NCKAP5: variants seen among roughly 807,000 people sequenced by gnomAD.
NCKAP5 encodes the protein nck-associated protein 5.
NCKAP5 carries 92 observed loss-of-function variants against 167.0 expected under a neutral mutation model. The observed-to-expected ratio is 0.55, with a 90% CI of 0.47 to 0.66. The LOEUF (loss-of-function observed/expected upper bound fraction) is 0.66, where lower values mean the gene tolerates loss of function less well. Among genes scored for constraint, NCKAP5 ranks in the 30% least tolerant of loss-of-function variants. NCKAP5 has a pLI of 0.00. For missense variants in NCKAP5, 2,378 were observed against 2,315.0 expected (o/e 1.03, Z -0.56); for synonymous variants, 891 against 877.4 (o/e 1.02, Z -0.27).
At chr2:133,307,520 A>AG (rs2150590583) in intron 3 of NCKAP5, among the ~76,000 whole-genome samples, 1 of 152,314 alleles carries the variant, frequency 6.6e-6, no homozygotes, top group Admixed American at 6.5e-5. Context: ...AAGAAAAAAA[A>AG]GGGGGACTTG....
Position 133,565,707 on chromosome 2 carries a change from C to T in NCKAP5, c.-130+2509G>A, listed in dbSNP as rs530625229. ...CCAGGCATCACATCAAGAATATCCC[C>T]GTCTTCATGGTCAGAAGTCTGGCAT... On this transcript the variant is annotated intron_variant, in intron 1 of 19. Coordinates refer to ENST00000409261, the MANE Select transcript of NCKAP5 (RefSeq NM_207363.3). Among the ~76,000 whole-genome samples the T allele has an allele frequency of 3.9e-5, 6 of 152,278 alleles. No homozygotes were observed. In the East Asian group the frequency reaches 5.8e-4, roughly 15 times the overall value.
chr2:132,984,787 T>C (rs1361750258), intron 7 of NCKAP5, among the ~76,000 whole-genome samples: 3 of 151,658 alleles, frequency 2.0e-5, no homozygotes, highest in Non-Finnish European at 1.5e-5. Context: ...CAAAAGACAG[T>C]TTTTTAGCCA....
At position 132,783,457 on chromosome 2, in the gene NCKAP5, G is replaced by A. The variant is rs1683241858; in HGVS notation, c.3354C>T (p.Ser1118=). ...TTTTGGCGGGTGATGAGGATGATGAGGAACTGCTGACCTGAGATGATGGTG... is the reference window on the plus strand; with the variant it reads ...TTTTGGCGGGTGATGAGGATGATGAAGAACTGCTGACCTGAGATGATGGTG... ...NESPSSQVSS[S]SSSSSPAKSH... is the part of the protein sequence containing the mutation. The change falls in exon 14 of 20, where the codon TCC becomes TCT. Residue 1118 remains serine (S), a synonymous_variant. Transcript: ENST00000409261. 2 of 1,588,990 alleles carry A rather than the reference G, an allele frequency of 1.3e-6. No homozygotes were observed. Among genetic ancestry groups the A allele is most frequent in the Non-Finnish European group, 1.7e-6 (2 of 1,167,620 alleles).
At chr2:133,427,642 T>G (rs1176676812) in intron 3 of NCKAP5, among the ~76,000 whole-genome samples, 1 of 152,138 alleles carries the variant, frequency 6.6e-6, no homozygotes, top group African/African-American at 2.4e-5. Flanking sequence ...TTAAATAGAA[T>G]GTTAGCAAAT....
intron 3 of NCKAP5, among the ~76,000 whole-genome samples, chr2:133,398,322 C>A (rs1687884938): frequency 1.3e-5 from 2 of 152,262 alleles, no homozygotes; most frequent in South Asian, 4.1e-4. Context: ...GCATGCAGGG[C>A]TTAAAACCTA....
the NCKAP5 span, among the ~76,000 whole-genome samples, chr2:133,670,502 C>A: frequency 6.6e-6 from 1 of 152,306 alleles, no homozygotes; most frequent in African/African-American, 2.4e-5. Context: ...TTATAAACCA[C>A]AGACTTCGAG....
At chr2:133,501,801 T>C (rs990444669) in intron 3 of NCKAP5, among the ~76,000 whole-genome samples, 1 of 152,216 alleles carries the variant, frequency 6.6e-6, no homozygotes, top group African/African-American at 2.4e-5. Context: ...TGATGGTGAA[T>C]CTCATTCAAG....
chr2:133,019,428 A>G (rs577998474), intron 6 of NCKAP5, among the ~76,000 whole-genome samples: 2 of 152,256 alleles, frequency 1.3e-5, no homozygotes, highest in Admixed American at 1.3e-4. Flanking sequence ...AATGGAAGCA[A>G]ACTTCACCTG....
At chr2:133,663,681 G>C in the NCKAP5 span, among the ~76,000 whole-genome samples, 1 of 152,184 alleles carries the variant, frequency 6.6e-6, no homozygotes, top group Non-Finnish European at 1.5e-5. Flanking sequence ...GTTTTAACAT[G>C]AGATTGCAGC....
chr2:133,049,853 A>G (rs1484334085), intron 6 of NCKAP5, among the ~76,000 whole-genome samples: 1 of 152,178 alleles, frequency 6.6e-6, no homozygotes, highest in African/African-American at 2.4e-5. Flanking sequence ...ACTGAACATC[A>G]ACCATGCCTA....
chr2:132,956,666 C>T (rs1318779302), intron 8 of NCKAP5, among the ~76,000 whole-genome samples: 4 of 152,252 alleles, frequency 2.6e-5, no homozygotes, highest in South Asian at 4.2e-4. Flanking sequence ...CCATGTCTGA[C>T]CCACTTCAGG....
chr2:133,289,714 C>T (rs916212636), intron 4 of NCKAP5, among the ~76,000 whole-genome samples: 1 of 144,392 alleles, frequency 6.9e-6, no homozygotes, highest in African/African-American at 2.5e-5. Flanking sequence ...AACAAACAAA[C>T]AAACAAACAA....
intron 16 of NCKAP5, among the ~76,000 whole-genome samples, chr2:132,758,781 G>A (rs987150771): frequency 2.6e-5 from 4 of 152,142 alleles, no homozygotes; most frequent in African/African-American, 9.7e-5. Flanking sequence ...ACCAAAGGCA[G>A]GCTGATGTGG....
At chr2:133,391,920 C>G (rs1442351657) in intron 3 of NCKAP5, among the ~76,000 whole-genome samples, 3 of 152,168 alleles carry the variant, frequency 2.0e-5, no homozygotes, top group Non-Finnish European at 4.4e-5. Context: ...AATTGGGAGA[C>G]CAAGATTGCT....
At chr2:133,066,219 C>G (rs904663082) in intron 6 of NCKAP5, among the ~76,000 whole-genome samples, 1 of 152,166 alleles carries the variant, frequency 6.6e-6, no homozygotes, top group African/African-American at 2.4e-5. Flanking sequence ...GCTTAATTAC[C>G]AAACTGTAGA....
intron 5 of NCKAP5, among the ~76,000 whole-genome samples, chr2:133,188,675 T>C (rs941450316): frequency 6.6e-6 from 1 of 152,134 alleles, no homozygotes; most frequent in Non-Finnish European, 1.5e-5. Context: ...AACCTGCGCC[T>C]GAATGACTAC....
intron 6 of NCKAP5, among the ~76,000 whole-genome samples, chr2:133,049,544 C>CAAAAAAAAAAAAA (rs59494014): frequency 1.3e-5 from 1 of 78,298 alleles, no homozygotes. Context: ...GACTCTGTCT[C>CAAAAAAAAAAAAA]AAAAAAAAAA....
chr2:133,526,452 C>T (rs4954062), intron 2 of NCKAP5, among the ~76,000 whole-genome samples: 138,890 of 152,252 alleles, frequency 0.91, 63,524 homozygotes, highest in East Asian at 1. Context: ...AATGAACGAG[C>T]ACATGATTTG....
intron 7 of NCKAP5, among the ~76,000 whole-genome samples, chr2:132,973,298 A>G (rs138697328): frequency 8.4e-4 from 128 of 152,322 alleles, no homozygotes; most frequent in Middle Eastern, 3.4e-3. Context: ...CGGATCATCA[A>G]GCACCGTCTC....
Sources: allele counts gnomAD v4.1 joint callset (sites outside exome capture counted in the v4.1 genomes callset), GRCh38; gene constraint gnomAD v4.1.1; transcripts MANE v1.5; gene names NCBI Gene and HGNC (gene_info 2026-07-23, HGNC 2026-07-21).